UTRN: variants seen among roughly 807,000 people sequenced by gnomAD.
The protein encoded by UTRN is utrophin.
UTRN carries 283 observed loss-of-function variants against 463.9 expected under a neutral mutation model. That is an observed-to-expected ratio of 0.61 (90% CI 0.55 to 0.67). UTRN has a LOEUF of 0.67. UTRN is among the 30% of genes least tolerant of loss of function. The pLI is 0.00. For synonymous variants in UTRN, 1,442 were observed against 1,431.5 expected, an observed-to-expected ratio of 1.01 and a Z score of -0.17; for missense variants, 3,922 against 4,084.3, an observed-to-expected ratio of 0.96 and a Z score of 1.08.
chr6:144,458,980 A>G lies in UTRN; in HGVS notation c.2495A>G (p.Gln832Arg). The G allele has an allele frequency of 5.0e-6, 8 of 1,607,712 alleles. No homozygotes were observed. Among genetic ancestry groups the G allele is most frequent in the Non-Finnish European group, 5.9e-6 (7 of 1,177,930 alleles). Residue 832 changes from glutamine (Q) to arginine (R), a missense_variant, in exon 20 of 75, where the codon CAG becomes CGG. Physicochemically the swap from Gln to Arg is conservative, Grantham distance 43. This residue lies in a region of UTRN where 2,349 missense variants were observed against 2,303.8 expected (regional missense o/e 1.02). Transcript: ENST00000367545. ...ACTTCCATTTCTGAATCTTCCCGGCAGTCCTTGCCAAGCTTGAAGGATTCC... is the reference window on the plus strand; with the variant it reads ...ACTTCCATTTCTGAATCTTCCCGGCGGTCCTTGCCAAGCTTGAAGGATTCC... ...KHTSISESSR[Q>R]SLPSLKDSCQ...
chr6:144,537,641 G>C lies in UTRN; in HGVS notation c.6293G>C (p.Cys2098Ser). The change falls in exon 44 of 75, where the codon TGT (cysteine) becomes TCT (serine). Residue 2098 changes from cysteine (C) to serine (S), a missense_variant. Physicochemically the swap from Cys to Ser is moderately radical, Grantham distance 112. Transcript: ENST00000367545. The part of the protein sequence containing the change: ...KYRHQLDEII[C>S]WLTKAEHAMQ... ...AGGCATCAGCTAGATGAGATTATCTGTTGGTTAACAAAGGCTGAGCATGCT... is the reference window on the plus strand; with the variant it reads ...AGGCATCAGCTAGATGAGATTATCTCTTGGTTAACAAAGGCTGAGCATGCT... 1 of 1,612,958 alleles carries C rather than the reference G, an allele frequency of 6.2e-7. No homozygotes were observed. Among genetic ancestry groups the C allele is most frequent in the Non-Finnish European group, 8.5e-7 (1 of 1,179,550 alleles).
chr6:144,500,004 C>A (rs1794032366), intron 34 of UTRN, among the ~76,000 whole-genome samples: 1 of 152,154 alleles, frequency 6.6e-6, no homozygotes, highest in Admixed American at 6.5e-5. Context: ...TTTTCTTTAT[C>A]CAATCCACCA....
At chr6:144,301,130 G>A (rs973777381) in intron 2 of UTRN, among the ~76,000 whole-genome samples, 1 of 151,990 alleles carries the variant, frequency 6.6e-6, no homozygotes, top group Non-Finnish European at 1.5e-5. Flanking sequence ...TCCTTTAGGT[G>A]ATTAGAAAAT....
At chr6:144,808,958 A>T (rs562290412) in intron 65 of UTRN, among the ~76,000 whole-genome samples, 3 of 152,232 alleles carry the variant, frequency 2.0e-5, no homozygotes, top group South Asian at 4.1e-4. Context: ...GAATAATGCT[A>T]CAGTGCACAT....
In UTRN at chr6:144,488,750, A is replaced by G. The variant is rs770806749; in HGVS notation, c.4050A>G (p.Gln1350=). ...CTGACCAGATGCTTCAAGTCTTGCA[A>G]GAGAGCTTGGGGGAGCTGGACAAAC... ...RETDQMLQVL[Q]ESLGELDKQL... is the part of the protein sequence containing the mutation. The change falls in exon 30 of 75, where the codon CAA becomes CAG. Residue 1350 remains glutamine, a synonymous_variant. Transcript: ENST00000367545. The G allele has an allele frequency of 6.2e-7, 1 of 1,613,586 alleles. No homozygotes were observed. Among genetic ancestry groups the G allele is most frequent in the Admixed American group, 1.7e-5 (1 of 59,974 alleles).
chr6:144,375,209 A>G (rs769281597), intron 2 of UTRN, among the ~76,000 whole-genome samples: 1 of 152,180 alleles, frequency 6.6e-6, no homozygotes, highest in Non-Finnish European at 1.5e-5. Flanking sequence ...TAGAATTAAC[A>G]TTTGGATTAT....
chr6:144,651,493 A>G (rs1778812426), intron 51 of UTRN, among the ~76,000 whole-genome samples: 1 of 152,170 alleles, frequency 6.6e-6, no homozygotes, highest in Non-Finnish European at 1.5e-5. Flanking sequence ...TGATTTCGAG[A>G]GTGTTATTCT....
At chr6:144,807,722 C>G (rs1190997281) in intron 65 of UTRN, among the ~76,000 whole-genome samples, 1 of 152,136 alleles carries the variant, frequency 6.6e-6, no homozygotes, top group Non-Finnish European at 1.5e-5. Flanking sequence ...CCAATAGCCT[C>G]TACTTTACCA....
chr6:144,712,323 A>G (rs1785814727), intron 53 of UTRN, among the ~76,000 whole-genome samples: 1 of 152,110 alleles, frequency 6.6e-6, no homozygotes, highest in Non-Finnish European at 1.5e-5. Flanking sequence ...TAATCATAAT[A>G]TGTAATATTG....
intron 2 of UTRN, among the ~76,000 whole-genome samples, chr6:144,386,719 T>A (rs1337565149): frequency 6.6e-6 from 1 of 152,176 alleles, no homozygotes; most frequent in East Asian, 1.9e-4. Flanking sequence ...TTTTCCTGCT[T>A]ATTATAAATA....
intron 2 of UTRN, among the ~76,000 whole-genome samples, chr6:144,341,789 C>A (rs915238928): frequency 6.6e-6 from 1 of 152,186 alleles, no homozygotes; most frequent in African/African-American, 2.4e-5. Flanking sequence ...TTCAGAAGAA[C>A]CCTTTGGTAG....
Position 144,749,500 on chromosome 6 carries a change from G to T in UTRN, c.8208+986G>T, listed in dbSNP as rs114494062. On this transcript the variant is annotated intron_variant, in intron 55 of 74. Transcript: ENST00000367545. ...ATGTTCTGTTTTTATGGCAAGGAAGGCCACATAGTCTTTTATTCTGTTATA... is the reference window on the plus strand; with the variant it reads ...ATGTTCTGTTTTTATGGCAAGGAAGTCCACATAGTCTTTTATTCTGTTATA... Among the ~76,000 whole-genome samples the T allele has an allele frequency of 2.6e-3, 400 of 152,232 alleles. 3 individuals are homozygous for T. The highest frequency in any genetic ancestry group is 9.1e-3 in the African/African-American group (377 of 41,560).
intron 51 of UTRN, among the ~76,000 whole-genome samples, chr6:144,617,465 G>A (rs1414599153): frequency 6.6e-6 from 1 of 152,078 alleles, no homozygotes; most frequent in Non-Finnish European, 1.5e-5. Flanking sequence ...ATTCCTCTTG[G>A]CAGCTTCAGC....
chr6:144,635,472 C>A (rs1407862204), intron 51 of UTRN, among the ~76,000 whole-genome samples: 2 of 143,626 alleles, frequency 1.4e-5, no homozygotes, highest in Non-Finnish European at 3.0e-5. Flanking sequence ...TTTCTGAATT[C>A]ATAGACTTCT....
chr6:144,597,496 C>T (rs1585475435), intron 51 of UTRN, among the ~76,000 whole-genome samples: 3 of 152,174 alleles, frequency 2.0e-5, no homozygotes, highest in African/African-American at 7.2e-5. Context: ...TGAAAGCTGT[C>T]ATTCTCTAAA....
At position 144,836,286 on chromosome 6, in the gene UTRN, C is replaced by T. The variant is rs755250336; in HGVS notation, c.9825-15C>T. 4.3e-6 allele frequency: 7 copies of T among 1,613,938 alleles called. No individual in the cohort carries two copies. The South Asian group carries it at 5.5e-5, about 13-fold the overall frequency. Reference sequence around the variant, plus strand: ...CACGTGGTAGTCATTCTGTTTCTCCCTCTTTCTGTATTAGAAATCTACAGG... The same window carrying T: ...CACGTGGTAGTCATTCTGTTTCTCCTTCTTTCTGTATTAGAAATCTACAGG... On this transcript the variant is annotated splice_polypyrimidine_tract_variant and intron_variant, in intron 70 of 74. Coordinates refer to ENST00000367545, the MANE Select transcript of UTRN (RefSeq NM_007124.3).
intron 50 of UTRN, among the ~76,000 whole-genome samples, chr6:144,557,766 A>G (rs1799521750): frequency 6.6e-6 from 1 of 152,110 alleles, no homozygotes; most frequent in East Asian, 1.9e-4. Flanking sequence ...CCCTGAAATA[A>G]TCTATGTGCA....
intron 57 of UTRN, 126 bp from the exon 58 acceptor site, chr6:144,757,803 A>T: frequency 1.3e-6 from 1 of 765,478 alleles, no homozygotes. Flanking sequence ...TCTCATAATT[A>T]TAGGAATCCA....
intron 3 of UTRN, among the ~76,000 whole-genome samples, chr6:144,410,737 C>T (rs567961575): frequency 6.6e-6 from 1 of 152,152 alleles, no homozygotes; most frequent in Non-Finnish European, 1.5e-5. Flanking sequence ...ATCCAGGTTG[C>T]TGCAGATACC....
Sources: allele counts gnomAD v4.1 joint callset (sites outside exome capture counted in the v4.1 genomes callset), GRCh38; gene constraint gnomAD v4.1.1; regional missense constraint gnomAD v4.1.1; transcripts MANE v1.5; gene names NCBI Gene and HGNC (gene_info 2026-07-23, HGNC 2026-07-21).